CACNA2D3: variants seen among roughly 807,000 people sequenced by gnomAD.
The protein encoded by CACNA2D3 is calcium voltage-gated channel auxiliary subunit alpha2delta 3.
In CACNA2D3, 60 loss-of-function variants were observed where a neutral mutation model predicts 160.6. The ratio of observed to expected loss-of-function variants is 0.37; its 90% CI spans 0.30 to 0.46. CACNA2D3 has a LOEUF of 0.46. Among genes scored for constraint, CACNA2D3 ranks in the 20% least tolerant of loss-of-function variants. The probability of loss-of-function intolerance (pLI) is 1.00; values close to 1 mark genes in which losing one functional copy is unlikely to be tolerated. For missense variants in CACNA2D3, 1,205 were observed against 1,365.0 expected (o/e 0.88, Z 1.85); for synonymous variants, 558 against 492.9 (o/e 1.13, Z -1.75).
chr3:54,462,295 A>G (rs547075117), intron 4 of CACNA2D3, among the ~76,000 whole-genome samples: 5 of 152,268 alleles, frequency 3.3e-5, no homozygotes, highest in Non-Finnish European at 7.4e-5. Flanking sequence ...TATTAGGTCC[A>G]CTTGGTGCAG....
chr3:54,460,668 AT>A (rs1309313482), intron 4 of CACNA2D3, among the ~76,000 whole-genome samples: 11 of 152,088 alleles, frequency 7.2e-5, no homozygotes, highest in African/African-American at 2.7e-4. Flanking sequence ...GCTTAAGGAG[AT>A]TTTGGGCTGA....
chr3:54,673,553 A>T (rs1420078906), intron 11 of CACNA2D3, among the ~76,000 whole-genome samples: 1 of 152,224 alleles, frequency 6.6e-6, no homozygotes, highest in Non-Finnish European at 1.5e-5. Context: ...AGTCTCAAAA[A>T]CTTAGATGAG....
chr3:54,202,308 G>A (rs976169432), intron 2 of CACNA2D3, among the ~76,000 whole-genome samples: 1 of 152,214 alleles, frequency 6.6e-6, no homozygotes, highest in Admixed American at 6.5e-5. Context: ...TTTCTGAAAT[G>A]TGGGGCACCT....
At chr3:54,907,028 C>G (rs146094126) in intron 27 of CACNA2D3, among the ~76,000 whole-genome samples, 14 of 152,176 alleles carry the variant, frequency 9.2e-5, no homozygotes, top group African/African-American at 2.9e-4. Flanking sequence ...TGCTCACTCT[C>G]CAGGACACTT....
At chr3:54,473,613 A>G (rs964050898) in intron 4 of CACNA2D3, among the ~76,000 whole-genome samples, 6 of 152,208 alleles carry the variant, frequency 3.9e-5, no homozygotes, top group Non-Finnish European at 8.8e-5. Context: ...AGAATGGGAG[A>G]AAAGTTTTGT....
chr3:54,682,324 A>T (rs774566884), intron 11 of CACNA2D3, among the ~76,000 whole-genome samples: 12 of 152,158 alleles, frequency 7.9e-5, no homozygotes, highest in Non-Finnish European at 1.6e-4. Context: ...TTGAGAATGA[A>T]ATCAATAAGG....
At chr3:54,353,823 G>T (rs1315513178) in intron 3 of CACNA2D3, among the ~76,000 whole-genome samples, 2 of 152,216 alleles carry the variant, frequency 1.3e-5, no homozygotes, top group Admixed American at 6.5e-5. Context: ...AGGCCAGTCA[G>T]CCTTGCTCCA....
intron 16 of CACNA2D3, among the ~76,000 whole-genome samples, chr3:54,844,609 G>A (rs544385848): frequency 2.6e-5 from 4 of 152,024 alleles, no homozygotes; most frequent in East Asian, 1.9e-4. Flanking sequence ...ATTGTTAACC[G>A]CACGATAGGA....
intron 4 of CACNA2D3, among the ~76,000 whole-genome samples, chr3:54,464,018 G>A (rs1282894534): frequency 6.6e-6 from 1 of 152,182 alleles, no homozygotes; most frequent in Non-Finnish European, 1.5e-5. Flanking sequence ...AGGTCTGTTG[G>A]AGTTTGCTAG....
At position 54,920,057 on chromosome 3, in the gene CACNA2D3, C is replaced by A. The variant is rs187122824; in HGVS notation, c.2449+20189C>A. 1.7e-4 allele frequency among the ~76,000 whole-genome samples: 26 copies of A among 152,354 alleles called. No individual in the cohort carries two copies. In the East Asian group the frequency reaches 4.6e-3, roughly 27 times the overall value. On this transcript the variant is annotated intron_variant, in intron 27 of 37. Transcript: ENST00000474759. Reference sequence around the variant, plus strand: ...CCCTCTCAGGCTGCCATAAGCACCTCCCCTAGGCCAGCCGAAAAGACTGGC... The same window carrying A: ...CCCTCTCAGGCTGCCATAAGCACCTACCCTAGGCCAGCCGAAAAGACTGGC...
Position 54,774,454 on chromosome 3 carries a change from A to T in CACNA2D3, c.1380+10103A>T, listed in dbSNP as rs116349675. On this transcript the variant is annotated intron_variant, in intron 13 of 37. Coordinates refer to ENST00000474759, the MANE Select transcript of CACNA2D3 (RefSeq NM_018398.3). ...GAGCAACCAGATCTCGTGAGCACTC[A>T]CTCACTCTCAGGAGAACAGCAAGGG... Among the ~76,000 whole-genome samples the T allele has an allele frequency of 9.4e-3, 1,422 of 151,916 alleles. 27 individuals carry two copies. Among genetic ancestry groups the T allele is most frequent in the African/African-American group, 0.032 (1,320 of 41,402 alleles).
chr3:54,809,307 C>CTTTTTTTTTTTTTTTTTTTTTTTTTTTTT (rs1417063441), intron 13 of CACNA2D3, among the ~76,000 whole-genome samples: 2 of 86,250 alleles, frequency 2.3e-5, no homozygotes, highest in African/African-American at 8.1e-5. Context: ...TTCCTTCCTT[C>CTTTTTTTTTTTTTTTTTTTTTTTTTTTTT]TTTCTTTTTT....
At chr3:54,888,450 T>C (rs970120651) in intron 24 of CACNA2D3, among the ~76,000 whole-genome samples, 12 of 152,136 alleles carry the variant, frequency 7.9e-5, no homozygotes, top group African/African-American at 2.9e-4. Flanking sequence ...TCATAGGGTG[T>C]TAGATATAAC....
intron 4 of CACNA2D3, among the ~76,000 whole-genome samples, chr3:54,420,405 C>T (rs1170056605): frequency 6.6e-6 from 1 of 152,186 alleles, no homozygotes; most frequent in East Asian, 1.9e-4. Flanking sequence ...TTAAAGACAA[C>T]ATTACTGTCA....
chr3:54,338,452 C>G (rs1192338293), intron 3 of CACNA2D3, among the ~76,000 whole-genome samples: 1 of 144,370 alleles, frequency 6.9e-6, no homozygotes, highest in African/African-American at 2.6e-5. Flanking sequence ...TTATAGCTCT[C>G]TTCATCTCCC....
rs1196540952 is a variant in CACNA2D3, at chr3:54,980,230, C to T, written c.2557-4378C>T. 4.6e-5 allele frequency among the ~76,000 whole-genome samples: 7 copies of T among 152,282 alleles called. No individual in the cohort carries two copies. In the East Asian group the frequency reaches 1.2e-3, roughly 25 times the overall value. ...CAGTTTGACCACGAGGTAAGATTTT[C>T]ATAAACCTTGTATAACCCTTTACAT... On this transcript the variant is annotated intron_variant, in intron 29 of 37. Coordinates refer to ENST00000474759, the MANE Select transcript of CACNA2D3 (RefSeq NM_018398.3).
At chr3:55,040,517 C>G (rs118096542) in intron 35 of CACNA2D3, among the ~76,000 whole-genome samples, 82 of 152,060 alleles carry the variant, frequency 5.4e-4, no homozygotes, top group African/African-American at 1.9e-3. Context: ...TTGAAAAAAA[C>G]TGTGTTTTAA....
At chr3:54,195,861 G>T (rs1701069539) in intron 2 of CACNA2D3, among the ~76,000 whole-genome samples, 2 of 152,192 alleles carry the variant, frequency 1.3e-5, no homozygotes, top group Non-Finnish European at 2.9e-5. Flanking sequence ...GATCCTGCTG[G>T]ACATTTATGC....
At chr3:54,690,553 A>G (rs972302227) in intron 11 of CACNA2D3, among the ~76,000 whole-genome samples, 5 of 151,976 alleles carry the variant, frequency 3.3e-5, no homozygotes, top group Non-Finnish European at 2.9e-5. Flanking sequence ...ATTTTTACCT[A>G]TATTTTCCAT....
Sources: gnomAD v4.1 joint callset for allele counts (sites outside exome capture counted in the v4.1 genomes callset) on GRCh38, gnomAD v4.1.1 for gene constraint, MANE v1.5 for transcripts, NCBI Gene and HGNC (gene_info 2026-07-23, HGNC 2026-07-21) for gene names.